The following MTOR variants were observed in gnomAD, a reference collection of about 807,000 sequenced individuals.
MTOR encodes the protein serine/threonine-protein kinase mTOR.
Under a neutral mutation model 319.8 loss-of-function variants are expected in MTOR, and 70 were observed. The ratio of observed to expected loss-of-function variants is 0.22; its 90% CI spans 0.18 to 0.27. The LOEUF (loss-of-function observed/expected upper bound fraction) is 0.27, where lower values mean the gene tolerates loss of function less well. Ranked by LOEUF, MTOR falls within the 10% of genes least tolerant of loss-of-function variation. MTOR has a pLI of 1.00. For synonymous variants in MTOR, 1,183 were observed against 1,211.4 expected (o/e 0.98, Z 0.49); for missense variants, 1,890 against 3,274.4 (o/e 0.58, Z 10.32).
intron 15 of MTOR, chr1:11,232,993 A>G: frequency 1.1e-6 from 1 of 896,198 alleles, no homozygotes; most frequent in South Asian, 1.3e-5. Flanking sequence ...AGAATTAAGC[A>G]ATTCCTGGCC....
intron 29 of MTOR, among the ~76,000 whole-genome samples, chr1:11,159,835 C>G (rs1197595398): frequency 6.6e-6 from 1 of 152,138 alleles, no homozygotes; most frequent in East Asian, 1.9e-4. Flanking sequence ...ACCTACATGA[C>G]TAACAAAAGG....
intron 19 of MTOR, among the ~76,000 whole-genome samples, chr1:11,225,422 CTTTTTTT>C (rs201304113): frequency 1.5e-5 from 2 of 137,080 alleles, no homozygotes; most frequent in Non-Finnish European, 3.2e-5. Flanking sequence ...AAAATTGGTT[CTTTTTTT>C]TTTTTTTTTT....
intron 28 of MTOR, among the ~76,000 whole-genome samples, chr1:11,170,568 A>G (rs1644780581): frequency 6.6e-6 from 1 of 151,866 alleles, no homozygotes; most frequent in African/African-American, 2.4e-5. Context: ...AAAAATAATA[A>G]TAAAAAAAAA....
intron 5 of MTOR, among the ~76,000 whole-genome samples, chr1:11,255,212 G>A (rs1650206422): frequency 6.6e-6 from 1 of 151,870 alleles, no homozygotes; most frequent in South Asian, 2.1e-4. Flanking sequence ...GTGAAACCCT[G>A]TCTCTACTAA....
At chr1:11,189,543 CT>C (rs773470266) in intron 28 of MTOR, 1 of 1,556,362 alleles carries the variant, frequency 6.4e-7, no homozygotes, top group African/African-American at 1.4e-5. Context: ...CCAGACTCCC[CT>C]GAAGGAAGAG....
chr1:11,216,274 G>A, intron 19 of MTOR, 40 bp from the exon 20 acceptor site: 1 of 1,506,354 alleles, frequency 6.6e-7, no homozygotes. Context: ...TATCATGAAG[G>A]ACATTGAACC....
chr1:11,234,208 T>A lies in MTOR; in HGVS notation c.2266A>T (p.Met756Leu). ...GCATTGGAGACCAGGTGCCCCAGCA[T>A]GCGGGCACTCTGCTCTTTGATTCTT... ...IGRIKEQSAR[M>L]LGHLVSNAPR... The change falls in exon 14 of 58, where the codon ATG (methionine) becomes TTG (leucine). Residue 756 changes from methionine (M) to leucine (L), a missense_variant. By Grantham distance (15) the Met-to-Leu change is conservative. Around this residue, in one of 15 missense-constraint regions of MTOR, gnomAD observed 377 missense variants for 653.9 expected, o/e 0.58. Coordinates refer to ENST00000361445, the MANE Select transcript of MTOR (RefSeq NM_004958.4). The A allele has an allele frequency of 6.2e-7, 1 of 1,614,140 alleles. No homozygotes were observed. Among genetic ancestry groups the A allele is most frequent in the South Asian group, 1.1e-5 (1 of 91,082 alleles).
At chr1:11,224,363 C>T (rs1397436971) in intron 19 of MTOR, among the ~76,000 whole-genome samples, 1 of 152,030 alleles carries the variant, frequency 6.6e-6, no homozygotes, top group African/African-American at 2.4e-5. Flanking sequence ...AAAGAGTCAA[C>T]TTACCAGGAA....
chr1:11,126,572 G>C (rs1642850660), intron 46 of MTOR, 50 bp downstream of exon 46: 1 of 1,580,786 alleles, frequency 6.3e-7, no homozygotes, highest in African/African-American at 1.3e-5. Context: ...AGGGGTCTCA[G>C]CCAGTGTAGG....
chr1:11,197,615 C>G (rs1350623089), intron 28 of MTOR, among the ~76,000 whole-genome samples: 1 of 152,210 alleles, frequency 6.6e-6, no homozygotes, highest in Non-Finnish European at 1.5e-5. Context: ...AATCTTGGCT[C>G]ATTGCAACCT....
chr1:11,257,260 G>C lies in MTOR; in HGVS notation c.272-95C>G, dbSNP rs561449567. ...CTAAAAGCTGGTGAGTGCCGGCCAG[G>C]CACGGTGGCTCAAGTCTGTAATCCT... is the stretch of plus-strand genomic sequence containing the variant. On this transcript the variant is annotated intron_variant, in intron 3 of 57. Transcript: ENST00000361445. 4 of 1,099,924 alleles carry C rather than the reference G, an allele frequency of 3.6e-6. No homozygotes were observed. In the East Asian group the frequency reaches 7.8e-5, roughly 21 times the overall value. The allele number at this position is 1,099,924 out of a possible 1,614,324, so 68.1% of individuals were successfully genotyped here. A position where few individuals can be genotyped will look rare whatever the true frequency, so the allele number is the denominator to read the frequency against.
At chr1:11,190,986 C>G (rs570037905) in intron 28 of MTOR, among the ~76,000 whole-genome samples, 1 of 152,312 alleles carries the variant, frequency 6.6e-6, no homozygotes, top group East Asian at 1.9e-4. Context: ...GCATGGACTT[C>G]CGGGCCCTCA....
Position 11,115,503 on chromosome 1 carries a change from A to G in MTOR, c.7017-35T>C, listed in dbSNP as rs764163984. 3.1e-6 allele frequency: 5 copies of G among 1,591,682 alleles called. No individual in the cohort carries two copies. The Admixed American group carries it at 8.3e-5, about 27-fold the overall frequency. ...ACAGAAGACAGATCAGGGAGGGATC[A>G]ACAGAGATAACGGATGAAAAAATCA... On this transcript the variant is annotated intron_variant, in intron 50 of 57. Transcript: ENST00000361445. The surrounding 1 kb of genome is among the most constrained non-coding windows in gnomAD (Gnocchi z 4.5).
Position 11,199,229 on chromosome 1 carries a change from G to T in MTOR, c.4253+29C>A. 1 of 1,614,072 alleles carries T rather than the reference G, an allele frequency of 6.2e-7. No individual in the cohort carries two copies. The highest frequency in any genetic ancestry group is 8.5e-7 in the Non-Finnish European group (1 of 1,179,944). On this transcript the variant is annotated intron_variant, in intron 28 of 57. Transcript: ENST00000361445. This position sits in a 1 kb window ranked among gnomAD's most constrained non-coding sequence, Gnocchi z 4.5. Reference sequence around the variant, plus strand: ...AGAAGAGAGGTCATTTTGCATGAAGGCAGCAATTAAAAAGGGTTTATGGCC... The same window carrying T: ...AGAAGAGAGGTCATTTTGCATGAAGTCAGCAATTAAAAAGGGTTTATGGCC...
At chr1:11,161,477 G>C (rs1036213213) in intron 29 of MTOR, among the ~76,000 whole-genome samples, 1 of 152,232 alleles carries the variant, frequency 6.6e-6, no homozygotes, top group Non-Finnish European at 1.5e-5. Context: ...AGAGGCGACA[G>C]ACTGCCTCCT....
intron 25 of MTOR, among the ~76,000 whole-genome samples, chr1:11,205,325 G>A (rs903288246): frequency 6.6e-6 from 1 of 152,212 alleles, no homozygotes; most frequent in Non-Finnish European, 1.5e-5. Flanking sequence ...ACAGTATAGT[G>A]TAGTGGGCAA....
chr1:11,208,679 G>A (rs1246282306), intron 25 of MTOR, among the ~76,000 whole-genome samples: 1 of 152,224 alleles, frequency 6.6e-6, no homozygotes, highest in South Asian at 2.1e-4. Flanking sequence ...TGATTCACTA[G>A]AGATGCTTTG....
chr1:11,254,035 C>A, intron 5 of MTOR, 62 bp from the exon 6 acceptor site: 1 of 1,605,560 alleles, frequency 6.2e-7, no homozygotes, highest in South Asian at 1.1e-5. Context: ...AGAATACAGG[C>A]CCATCCCATC....
At chr1:11,233,053 C>G in intron 15 of MTOR, 2 of 1,033,934 alleles carry the variant, frequency 1.9e-6, no homozygotes, top group South Asian at 2.5e-5. Context: ...CGGATGAAAA[C>G]TGGTAATAAA....
Sources: gnomAD v4.1 joint callset for allele counts (sites outside exome capture counted in the v4.1 genomes callset) on GRCh38, gnomAD v4.1.1 for gene constraint, gnomAD v4.1.1 regional missense constraint, Gnocchi (gnomAD v3.1) non-coding constraint, MANE v1.5 for transcripts, NCBI Gene and HGNC (gene_info 2026-07-23, HGNC 2026-07-21) for gene names.